Variants in PDE4D observed in about 807,000 individuals in gnomAD.
The protein encoded by PDE4D is phosphodiesterase 4D.
A neutral mutation model predicts 87.4 loss-of-function variants in PDE4D; 24 were observed. The observed-to-expected ratio is 0.27, with a 90% CI of 0.20 to 0.39. The LOEUF (loss-of-function observed/expected upper bound fraction) is 0.39, where lower values mean the gene tolerates loss of function less well. Ranked by LOEUF, PDE4D falls within the 10% of genes least tolerant of loss-of-function variation. The pLI is 1.00. For synonymous variants in PDE4D, 384 were observed against 383.2 expected (o/e 1.00, Z -0.02); for missense variants, 714 against 1,041.0 (o/e 0.69, Z 4.32).
intron 3 of PDE4D, among the ~76,000 whole-genome samples, chr5:59,899,508 T>C (rs992770757): frequency 6.6e-5 from 10 of 151,750 alleles, no homozygotes; most frequent in Admixed American, 3.3e-4. Context: ...GCTTAAGTGG[T>C]AAATATATAT....
chr5:60,179,561 T>A (rs1784212136), intron 2 of PDE4D, among the ~76,000 whole-genome samples: 1 of 152,130 alleles, frequency 6.6e-6, no homozygotes, highest in Non-Finnish European at 1.5e-5. Flanking sequence ...TTATGCAAGC[T>A]ATTGGAAGCA....
intron 1 of PDE4D, among the ~76,000 whole-genome samples, chr5:59,564,278 C>G (rs1038937821): frequency 2.0e-5 from 3 of 152,142 alleles, no homozygotes; most frequent in African/African-American, 7.2e-5. Context: ...AGAAAGGGAG[C>G]TTCAGGTGAG....
chr5:59,358,654 A>G (rs145360442), intron 1 of PDE4D, among the ~76,000 whole-genome samples: 145 of 152,216 alleles, frequency 9.5e-4, no homozygotes, highest in African/African-American at 3.3e-3. Flanking sequence ...CTAAAGCCAG[A>G]CAGTGTAAGA....
At chr5:59,354,136 A>G (rs970993257) in intron 1 of PDE4D, among the ~76,000 whole-genome samples, 1 of 152,162 alleles carries the variant, frequency 6.6e-6, no homozygotes, top group Non-Finnish European at 1.5e-5. Flanking sequence ...AAATGACACT[A>G]CAATAGGCAC....
At chr5:59,983,328 T>A (rs903412468) in intron 3 of PDE4D, among the ~76,000 whole-genome samples, 1 of 152,178 alleles carries the variant, frequency 6.6e-6, no homozygotes, top group Non-Finnish European at 1.5e-5. Flanking sequence ...GTGGGTCCAC[T>A]TCTTGCCTTA....
At position 60,334,366 on chromosome 5, in the gene PDE4D, C is replaced by CT. The variant is rs1757564895; in HGVS notation, c.-89-148680dup. On this transcript the variant is annotated intron_variant, in intron 1 of 16. Transcript: ENST00000502484. Reference sequence around the variant, plus strand: ...AATTATCATCTTCCAATTTGAGAAGCTAATAACATTAACTTGTTCATCTTG... The same window carrying CT: ...AATTATCATCTTCCAATTTGAGAAGCTTAATAACATTAACTTGTTCATCTTG... 3.3e-5 allele frequency among the ~76,000 whole-genome samples: 5 copies of CT among 152,282 alleles called. 1 individual carries two copies. The highest frequency in any genetic ancestry group is 3.4e-3 in the Middle Eastern group (1 of 294).
At chr5:59,038,002 C>A (rs920880463) in intron 6 of PDE4D, among the ~76,000 whole-genome samples, 1 of 152,200 alleles carries the variant, frequency 6.6e-6, no homozygotes, top group African/African-American at 2.4e-5. Flanking sequence ...TGGCTGAATC[C>A]TTCAGCCATC....
At chr5:59,091,852 G>T (rs1768807885) in intron 5 of PDE4D, among the ~76,000 whole-genome samples, 1 of 152,072 alleles carries the variant, frequency 6.6e-6, no homozygotes, top group Admixed American at 6.6e-5. Flanking sequence ...CCTAAAAGAT[G>T]AATTATTTGG....
At chr5:60,318,323 T>C (rs1424523533) in intron 1 of PDE4D, among the ~76,000 whole-genome samples, 1 of 152,210 alleles carries the variant, frequency 6.6e-6, no homozygotes, top group Non-Finnish European at 1.5e-5. Flanking sequence ...CTTTTTTTGC[T>C]TTCCATTTGC....
chr5:59,127,862 A>G (rs892074365), intron 5 of PDE4D, among the ~76,000 whole-genome samples: 1 of 151,986 alleles, frequency 6.6e-6, no homozygotes, highest in Non-Finnish European at 1.5e-5. Flanking sequence ...CCCGTTCCTA[A>G]TCAGCGCTGC....
chr5:59,362,743 CT>C (rs1782422119), intron 1 of PDE4D, among the ~76,000 whole-genome samples: 2 of 152,226 alleles, frequency 1.3e-5, no homozygotes, highest in South Asian at 4.1e-4. Flanking sequence ...CTTCTTACAA[CT>C]TTTTAGAATT....
At chr5:59,862,112 C>T (rs1420068726) in intron 1 of PDE4D, among the ~76,000 whole-genome samples, 2 of 152,160 alleles carry the variant, frequency 1.3e-5, no homozygotes, top group Non-Finnish European at 2.9e-5. Context: ...AGTCTCCTTA[C>T]TCCTGAGTGT....
At chr5:59,284,959 A>G (rs1322126532) in intron 1 of PDE4D, among the ~76,000 whole-genome samples, 1 of 69,170 alleles carries the variant, frequency 1.4e-5, no homozygotes, top group African/African-American at 5.7e-5. Flanking sequence ...AACTATCGCA[A>G]GAACAAAAAA....
chr5:59,464,145 A>G (rs540450562), intron 1 of PDE4D, among the ~76,000 whole-genome samples: 1 of 152,286 alleles, frequency 6.6e-6, no homozygotes, highest in Admixed American at 6.5e-5. Flanking sequence ...CCCATGTGAT[A>G]GTCTGAAATA....
chr5:59,222,839 C>T (rs895440066), intron 1 of PDE4D, among the ~76,000 whole-genome samples: 3 of 152,172 alleles, frequency 2.0e-5, no homozygotes, highest in African/African-American at 7.2e-5. Context: ...ATACCTAGCT[C>T]TAGGGCCATT....
At chr5:59,130,183 T>C (rs1776076975) in intron 5 of PDE4D, among the ~76,000 whole-genome samples, 1 of 152,182 alleles carries the variant, frequency 6.6e-6, no homozygotes, top group Non-Finnish European at 1.5e-5. Flanking sequence ...GAATGCATGT[T>C]TCACTGAGTA....
intron 1 of PDE4D, among the ~76,000 whole-genome samples, chr5:59,675,777 C>T (rs919343292): frequency 6.6e-6 from 1 of 152,120 alleles, no homozygotes; most frequent in Non-Finnish European, 1.5e-5. Context: ...GTAGTCTCGA[C>T]CTCCCAGGCT....
intron 1 of PDE4D, among the ~76,000 whole-genome samples, chr5:59,629,689 C>T (rs761750735): frequency 2.0e-5 from 3 of 152,136 alleles, no homozygotes; most frequent in Admixed American, 6.5e-5. Flanking sequence ...CAGCCCTAGC[C>T]GACTAATACA....
chr5:59,439,920 GTGAA>G (rs1438428657), intron 1 of PDE4D, among the ~76,000 whole-genome samples: 3 of 152,154 alleles, frequency 2.0e-5, no homozygotes, highest in South Asian at 2.1e-4. Flanking sequence ...TAGGAAGTGA[GTGAA>G]TGAATGAATA....
Sources: gnomAD v4.1 joint callset for allele counts (sites outside exome capture counted in the v4.1 genomes callset) on GRCh38, gnomAD v4.1.1 for gene constraint, MANE v1.5 for transcripts, NCBI Gene and HGNC (gene_info 2026-07-23, HGNC 2026-07-21) for gene names.